PTPRR: variants seen among roughly 807,000 people sequenced by gnomAD.
PTPRR encodes protein tyrosine phosphatase receptor type R, also known as receptor-type tyrosine-protein phosphatase R.
A neutral mutation model predicts 77.2 loss-of-function variants in PTPRR; 38 were observed. The ratio of observed to expected loss-of-function variants is 0.49; its 90% CI spans 0.38 to 0.65. The LOEUF is 0.65. Ranked by LOEUF, PTPRR falls within the 30% of genes least tolerant of loss-of-function variation. PTPRR has a pLI of 0.00. For synonymous variants in PTPRR, 299 were observed against 283.1 expected, an observed-to-expected ratio of 1.06 and a Z score of -0.57; for missense variants, 744 against 799.2, an observed-to-expected ratio of 0.93 and a Z score of 0.83.
chr12:70,655,084 T>A (rs995835605), intron 13 of PTPRR, among the ~76,000 whole-genome samples: 6 of 152,354 alleles, frequency 3.9e-5, no homozygotes, highest in African/African-American at 1.2e-4. Flanking sequence ...CAGGCAGGCT[T>A]AGTTGTGGAG....
chr12:70,818,428 G>A (rs111645962), intron 2 of PTPRR, among the ~76,000 whole-genome samples: 9 of 152,124 alleles, frequency 5.9e-5, no homozygotes, highest in East Asian at 5.8e-4. Flanking sequence ...GAATATAAGC[G>A]TACTATGGGA....
At chr12:70,802,347 A>G (rs1891631133) in intron 2 of PTPRR, among the ~76,000 whole-genome samples, 1 of 152,210 alleles carries the variant, frequency 6.6e-6, no homozygotes, top group South Asian at 2.1e-4. Flanking sequence ...TCTATCAGGT[A>G]ATGATGAGCA....
intron 2 of PTPRR, among the ~76,000 whole-genome samples, chr12:70,779,700 T>A (rs139138720): frequency 5.9e-4 from 90 of 152,320 alleles, no homozygotes; most frequent in African/African-American, 2.1e-3. Context: ...AGGTATTTAA[T>A]AAATTCTTGT....
chr12:70,740,039 C>G (rs1242087722), intron 6 of PTPRR, among the ~76,000 whole-genome samples: 1 of 151,928 alleles, frequency 6.6e-6, no homozygotes, highest in Admixed American at 6.6e-5. Context: ...AAAATGGAGC[C>G]AAATGGGGAT....
Position 70,684,258 on chromosome 12 carries a change from T to G in PTPRR, c.1366A>C (p.Ser456Arg), listed in dbSNP as rs369585912. The change falls in exon 10 of 14, where the codon AGT becomes CGT. Residue 456 changes from serine (S) to arginine (R), a missense_variant. This residue lies in a region of PTPRR where 570 missense variants were observed against 573.2 expected (regional missense o/e 0.99). Transcript: ENST00000283228. ...GCAATGAAGGCTTTCTCCTTGCCAC[T>G]GTAGCCCTAGATGGAGTAAAGAAAC... ...YINANYIRGYSGKEKAFIATQ... is the reference protein window; with the variant it reads ...YINANYIRGYRGKEKAFIATQ... 7.4e-6 allele frequency: 12 copies of G among 1,612,832 alleles called. No homozygotes were observed. Among genetic ancestry groups the G allele is most frequent in the Non-Finnish European group, 1.0e-5 (12 of 1,179,450 alleles).
intron 2 of PTPRR, among the ~76,000 whole-genome samples, chr12:70,793,731 C>A (rs1041501588): frequency 6.6e-6 from 1 of 152,184 alleles, no homozygotes; most frequent in African/African-American, 2.4e-5. Context: ...AGGCATCCAA[C>A]TTACAGTTCT....
intron 10 of PTPRR, among the ~76,000 whole-genome samples, chr12:70,667,711 C>CA (rs749208445): frequency 2.0e-5 from 3 of 152,046 alleles, no homozygotes; most frequent in Non-Finnish European, 4.4e-5. Flanking sequence ...CTCATGAATC[C>CA]AGTTGACCAG....
At chr12:70,776,724 G>A (rs1008766803) in intron 2 of PTPRR, among the ~76,000 whole-genome samples, 2 of 152,028 alleles carry the variant, frequency 1.3e-5, no homozygotes, top group Non-Finnish European at 2.9e-5. Context: ...TTTAACTCCA[G>A]GTAGAAGAGT....
chr12:70,785,863 A>G (rs370627029), intron 2 of PTPRR, among the ~76,000 whole-genome samples: 2 of 152,174 alleles, frequency 1.3e-5, no homozygotes, highest in Non-Finnish European at 1.5e-5. Flanking sequence ...AGAGTTTTCA[A>G]TTCTCATTAT....
At chr12:70,793,360 G>C (rs1223854823) in intron 2 of PTPRR, among the ~76,000 whole-genome samples, 2 of 152,152 alleles carry the variant, frequency 1.3e-5, no homozygotes, top group Admixed American at 6.5e-5. Context: ...TGTAACAGGA[G>C]ATTAAACATG....
chr12:70,693,780 A>C (rs1411803463), intron 8 of PTPRR, among the ~76,000 whole-genome samples: 1 of 152,168 alleles, frequency 6.6e-6, no homozygotes, highest in African/African-American at 2.4e-5. Context: ...TAAATGAATG[A>C]AAATGGGGCT....
At chr12:70,737,441 A>T (rs1267200517) in intron 6 of PTPRR, among the ~76,000 whole-genome samples, 1 of 152,004 alleles carries the variant, frequency 6.6e-6, no homozygotes, top group Non-Finnish European at 1.5e-5. Context: ...TTTGACAGAA[A>T]ATGAGAGAGT....
chr12:70,646,368 C>T (rs1886199478), intron 13 of PTPRR, among the ~76,000 whole-genome samples: 1 of 152,116 alleles, frequency 6.6e-6, no homozygotes, highest in South Asian at 2.1e-4. Flanking sequence ...GACACCTTCT[C>T]CAAAATAGAT....
At chr12:70,787,282 G>A (rs1402991826) in intron 2 of PTPRR, among the ~76,000 whole-genome samples, 3 of 152,106 alleles carry the variant, frequency 2.0e-5, no homozygotes, top group Admixed American at 6.6e-5. Context: ...AGAAAAACAA[G>A]GGAAACTATT....
intron 2 of PTPRR, among the ~76,000 whole-genome samples, chr12:70,837,880 C>A (rs1892331869): frequency 6.6e-6 from 1 of 151,948 alleles, no homozygotes; most frequent in African/African-American, 2.4e-5. Flanking sequence ...CCTGAGCTAC[C>A]AGTAGGTTGC....
intron 2 of PTPRR, among the ~76,000 whole-genome samples, chr12:70,870,069 G>A (rs1267118311): frequency 4.6e-5 from 7 of 152,084 alleles, no homozygotes; most frequent in Non-Finnish European, 7.4e-5. Context: ...GAATTTAAGA[G>A]CTCCTTGACC....
intron 10 of PTPRR, chr12:70,672,778 A>G (rs74959294): frequency 0.04 from 62,145 of 1,559,654 alleles, 1,419 homozygotes; most frequent in Non-Finnish European, 0.044. Flanking sequence ...TGTATTCAGG[A>G]AACCTTCTGT....
At chr12:70,884,559 G>C (rs910773863) in intron 2 of PTPRR, among the ~76,000 whole-genome samples, 1 of 152,018 alleles carries the variant, frequency 6.6e-6, no homozygotes, top group East Asian at 1.9e-4. Context: ...TGACATTATT[G>C]TGGAAATTTT....
At chr12:70,650,908 A>C (rs1886370919) in intron 13 of PTPRR, among the ~76,000 whole-genome samples, 1 of 152,212 alleles carries the variant, frequency 6.6e-6, no homozygotes, top group South Asian at 2.1e-4. Flanking sequence ...CAGTGCAGTC[A>C]TATACCTCTC....
Sources: gnomAD v4.1 joint callset for allele counts (sites outside exome capture counted in the v4.1 genomes callset) on GRCh38, gnomAD v4.1.1 for gene constraint, gnomAD v4.1.1 regional missense constraint, MANE v1.5 for transcripts, NCBI Gene and HGNC (gene_info 2026-07-23, HGNC 2026-07-21) for gene names.